Variants in ALCAM observed in about 807,000 individuals in gnomAD.
The protein encoded by ALCAM is activated leukocyte cell adhesion molecule, also known as CD166 antigen.
In ALCAM, 30 loss-of-function variants were observed where a neutral mutation model predicts 70.9. The observed-to-expected ratio is 0.42, with a 90% CI of 0.32 to 0.57. The LOEUF (loss-of-function observed/expected upper bound fraction) is 0.57, where lower values mean the gene tolerates loss of function less well. ALCAM is among the 20% of genes least tolerant of loss of function. The probability of loss-of-function intolerance (pLI) is 0.11; values close to 1 mark genes in which losing one functional copy is unlikely to be tolerated. For missense variants in ALCAM, 591 were observed against 695.1 expected (o/e 0.85, Z 1.68); for synonymous variants, 249 against 242.5 (o/e 1.03, Z -0.25).
chr3:105,415,466 G>C (rs1936484744), intron 1 of ALCAM, among the ~76,000 whole-genome samples: 1 of 152,076 alleles, frequency 6.6e-6, no homozygotes, highest in African/African-American at 2.4e-5. Context: ...AAACATTTCT[G>C]TCCACTGACA....
At chr3:105,428,176 A>G (rs1936838709) in intron 1 of ALCAM, among the ~76,000 whole-genome samples, 1 of 151,962 alleles carries the variant, frequency 6.6e-6, no homozygotes, top group African/African-American at 2.4e-5. Flanking sequence ...AAATATTATC[A>G]TGCAATTTTA....
At chr3:105,528,707 C>T (rs912611030) in intron 3 of ALCAM, among the ~76,000 whole-genome samples, 1 of 152,004 alleles carries the variant, frequency 6.6e-6, no homozygotes, top group African/African-American at 2.4e-5. Flanking sequence ...TAGAGGAGAA[C>T]AACACACACT....
At chr3:105,506,419 G>A (rs1176235511) in intron 1 of ALCAM, among the ~76,000 whole-genome samples, 1 of 152,084 alleles carries the variant, frequency 6.6e-6, no homozygotes, top group Non-Finnish European at 1.5e-5. Flanking sequence ...TTTTCCATGT[G>A]GTTTGTTTGT....
chr3:105,472,773 A>G (rs1937971041), intron 1 of ALCAM, among the ~76,000 whole-genome samples: 1 of 151,488 alleles, frequency 6.6e-6, no homozygotes, highest in Non-Finnish European at 1.5e-5. Context: ...ACACATTCTC[A>G]AGTACAGTGG....
At chr3:105,474,731 A>G (rs1434492647) in intron 1 of ALCAM, among the ~76,000 whole-genome samples, 1 of 151,768 alleles carries the variant, frequency 6.6e-6, no homozygotes, top group Non-Finnish European at 1.5e-5. Context: ...GAAAGTTGAG[A>G]TCATTGACAA....
intron 1 of ALCAM, among the ~76,000 whole-genome samples, chr3:105,455,642 G>A (rs774834530): frequency 4.6e-5 from 7 of 152,308 alleles, no homozygotes; most frequent in Non-Finnish European, 7.4e-5. Flanking sequence ...CTGGGCGGAA[G>A]TAGCTTTCCT....
chr3:105,520,511 T>A (rs187126419), intron 2 of ALCAM, among the ~76,000 whole-genome samples: 107 of 152,332 alleles, frequency 7.0e-4, no homozygotes, highest in Non-Finnish European at 1.3e-3. Context: ...CTTCATTTGT[T>A]CATGTTCTAC....
chr3:105,397,419 A>G (rs923599196), intron 1 of ALCAM, among the ~76,000 whole-genome samples: 1 of 152,072 alleles, frequency 6.6e-6, no homozygotes, highest in Non-Finnish European at 1.5e-5. Context: ...GAATAACAAA[A>G]AGTGATAACT....
At chr3:105,452,262 TC>T (rs1282134386) in intron 1 of ALCAM, among the ~76,000 whole-genome samples, 22 of 152,186 alleles carry the variant, frequency 1.4e-4, no homozygotes, top group Non-Finnish European at 2.8e-4. Flanking sequence ...TTTTCCCCTC[TC>T]TGTGTCCATG....
chr3:105,438,119 A>T (rs141718059), intron 1 of ALCAM, among the ~76,000 whole-genome samples: 16 of 152,112 alleles, frequency 1.1e-4, no homozygotes, highest in African/African-American at 3.9e-4. Flanking sequence ...AAAGAATGTG[A>T]TCTTCCTTAA....
intron 1 of ALCAM, among the ~76,000 whole-genome samples, chr3:105,423,109 C>T (rs1314164473): frequency 6.6e-6 from 1 of 151,328 alleles, no homozygotes; most frequent in Non-Finnish European, 1.5e-5. Context: ...GAGATGCATT[C>T]CTGTAATGTA....
chr3:105,572,284 C>T (rs1940875390), intron 15 of ALCAM, among the ~76,000 whole-genome samples: 1 of 151,998 alleles, frequency 6.6e-6, no homozygotes, highest in African/African-American at 2.4e-5. Flanking sequence ...TTCCCTATGT[C>T]CATGTGTTCT....
At chr3:105,482,737 T>C (rs1453423105) in intron 1 of ALCAM, among the ~76,000 whole-genome samples, 1 of 152,194 alleles carries the variant, frequency 6.6e-6, no homozygotes, top group Non-Finnish European at 1.5e-5. Flanking sequence ...ATTATGTTGT[T>C]CTATAAATGT....
At chr3:105,444,232 G>A (rs1421695604) in intron 1 of ALCAM, among the ~76,000 whole-genome samples, 1 of 152,160 alleles carries the variant, frequency 6.6e-6, no homozygotes, top group East Asian at 1.9e-4. Flanking sequence ...ACCCAAGACT[G>A]GGTAATTTAT....
chr3:105,391,236 T>C (rs1051942161), intron 1 of ALCAM, among the ~76,000 whole-genome samples: 2 of 152,154 alleles, frequency 1.3e-5, no homozygotes, highest in East Asian at 1.9e-4. Context: ...GAGCATGGAA[T>C]GTTTTTCCAT....
chr3:105,460,384 C>G (rs1174146621), intron 1 of ALCAM, among the ~76,000 whole-genome samples: 16 of 151,988 alleles, frequency 1.1e-4, no homozygotes, highest in Non-Finnish European at 7.4e-5. Context: ...GGGCTGCATG[C>G]CAGACTTGAT....
intron 1 of ALCAM, among the ~76,000 whole-genome samples, chr3:105,515,962 A>G (rs915981688): frequency 1.3e-5 from 2 of 152,076 alleles, no homozygotes; most frequent in Non-Finnish European, 2.9e-5. Flanking sequence ...TTTAGTTCTT[A>G]TAAGTTCTGA....
chr3:105,373,005 C>A (rs950044061), intron 1 of ALCAM, among the ~76,000 whole-genome samples: 3 of 152,128 alleles, frequency 2.0e-5, no homozygotes, highest in Non-Finnish European at 4.4e-5. Context: ...TTTAGCTCTG[C>A]AAAATCACAT....
rs1241212367 is a variant in ALCAM at position 105,367,139 on chromosome 3, C to CA, written c.-269dup. On this transcript the variant is annotated 5_prime_UTR_variant, in exon 1 of 16. Transcript: ENST00000306107. ...GAATTACTCAAGTGTCTCCTGGAAA[C>CA]AGAGGGTCGTTGTCCCCGGAGGAGC... is the stretch of plus-strand genomic sequence containing the variant. 2.0e-6 allele frequency: 1 copy of CA among 498,400 alleles called. No individual in the cohort carries two copies. The highest frequency in any genetic ancestry group is 3.6e-5 in the East Asian group (1 of 27,444). The allele number at this position is 498,400 out of a possible 1,614,324, so 30.9% of individuals were successfully genotyped here.
Sources: gnomAD v4.1 joint callset for allele counts (sites outside exome capture counted in the v4.1 genomes callset) on GRCh38, gnomAD v4.1.1 for gene constraint, MANE v1.5 for transcripts, NCBI Gene and HGNC (gene_info 2026-07-23, HGNC 2026-07-21) for gene names.